Variants in GPR143 observed in about 807,000 individuals in gnomAD.
The protein encoded by GPR143 is G-protein coupled receptor 143.
A neutral mutation model predicts 27.6 loss-of-function variants in GPR143; 8 were observed. The observed-to-expected ratio is 0.29, with a 90% CI of 0.17 to 0.52. The LOEUF (loss-of-function observed/expected upper bound fraction) is 0.52, where lower values mean the gene tolerates loss of function less well. Among genes scored for constraint, GPR143 ranks in the 20% least tolerant of loss-of-function variants. The pLI, the probability that GPR143 is intolerant of heterozygous loss-of-function variation, is 0.96. For missense variants in GPR143, 303 were observed against 343.1 expected (o/e 0.88, Z 0.92); for synonymous variants, 156 against 153.2 (o/e 1.02, Z -0.13).
chrX:9,735,254 G>C (rs73484552), intron 8 of GPR143, among the ~76,000 whole-genome samples: 41 of 111,718 alleles, frequency 3.7e-4, no homozygotes, highest in African/African-American at 1.3e-3. Context: ...CTGGCCTTTC[G>C]CTGGCCACCG....
intron 8 of GPR143, 80 bp downstream of exon 8, chrX:9,739,405 G>A (rs944700994): frequency 4.3e-5 from 29 of 681,862 alleles, no homozygotes; most frequent in African/African-American, 4.1e-4. Flanking sequence ...GACAGCCCCC[G>A]GGACAAAGAA....
At chrX:9,764,534 A>G (rs2083518884) in intron 1 of GPR143, among the ~76,000 whole-genome samples, 1 of 107,760 alleles carries the variant, frequency 9.3e-6, no homozygotes. Context: ...ACACACACAC[A>G]CACACACACA....
intron 1 of GPR143, among the ~76,000 whole-genome samples, chrX:9,776,568 T>TTC (rs1325654645): frequency 9.5e-6 from 1 of 104,849 alleles, no homozygotes. Flanking sequence ...TTTTTTTTTT[T>TTC]GGTAGAGATG....
intron 3 of GPR143, among the ~76,000 whole-genome samples, chrX:9,755,144 A>G (rs949395523): frequency 1.8e-5 from 2 of 112,290 alleles, no homozygotes; most frequent in African/African-American, 6.5e-5. Flanking sequence ...CTGGCCAGGC[A>G]TGGTGGCTCA....
chrX:9,732,563 A>C (rs1185951756), intron 8 of GPR143, among the ~76,000 whole-genome samples: 7 of 111,664 alleles, frequency 6.3e-5, no homozygotes, highest in Non-Finnish European at 1.3e-4. Flanking sequence ...GATTTCTGAA[A>C]TAGAAAAATG....
chrX:9,727,416 C>T (rs1039800497), intron 8 of GPR143, among the ~76,000 whole-genome samples: 5 of 112,909 alleles, frequency 4.4e-5, no homozygotes, highest in Non-Finnish European at 9.4e-5. Flanking sequence ...GGGCATGGGA[C>T]AAGAACTTGA....
chrX:9,735,769 A>T (rs1431965697), intron 8 of GPR143, among the ~76,000 whole-genome samples: 1 of 111,807 alleles, frequency 8.9e-6, no homozygotes, highest in African/African-American at 3.3e-5. Context: ...GTGAAACCCG[A>T]AGCAGTAGGG....
At chrX:9,730,726 C>A (rs1411885824) in intron 8 of GPR143, among the ~76,000 whole-genome samples, 1 of 111,794 alleles carries the variant, frequency 8.9e-6, no homozygotes, top group Non-Finnish European at 1.9e-5. Context: ...GAAGAGAAGT[C>A]CAGGCTAACA....
At chrX:9,733,018 A>C (rs1362564823) in intron 8 of GPR143, among the ~76,000 whole-genome samples, 2 of 111,468 alleles carry the variant, frequency 1.8e-5, no homozygotes, top group African/African-American at 6.5e-5. Context: ...GAATTATGGG[A>C]GACTCAAGAT....
At position 9,743,706 on chromosome X, in the gene GPR143, T is replaced by C. The variant is rs373799630; in HGVS notation, c.659-33A>G. On this transcript the variant is annotated intron_variant, in intron 5 of 8. Coordinates refer to ENST00000467482, the MANE Select transcript of GPR143 (RefSeq NM_000273.3). ...GAACAGAAGGAACTATGTATGGTGTTCATTATTCATGTTTACGGAGTGACA... is the reference window on the plus strand; with the variant it reads ...GAACAGAAGGAACTATGTATGGTGTCCATTATTCATGTTTACGGAGTGACA... 5 of 827,931 alleles carry C rather than the reference T, an allele frequency of 6.0e-6. No individual in the cohort carries two copies. The African/African-American group carries it at 8.0e-5, about 13-fold the overall frequency. 68.2% of individuals were successfully genotyped at this position (827,931 alleles called of 1,213,427 possible).
chrX:9,734,196 G>A (rs2083368897), intron 8 of GPR143, among the ~76,000 whole-genome samples: 1 of 111,121 alleles, frequency 9.0e-6, no homozygotes, highest in Non-Finnish European at 1.9e-5. Context: ...ATGTTATTGT[G>A]AGAGAAATAG....
chrX:9,761,450 T>C (rs371140259), intron 1 of GPR143, among the ~76,000 whole-genome samples: 1 of 112,458 alleles, frequency 8.9e-6, no homozygotes, highest in Admixed American at 9.4e-5. Flanking sequence ...ACGCAAACCA[T>C]AGTTGGCCAC....
At chrX:9,736,460 T>C (rs1413315189) in intron 8 of GPR143, among the ~76,000 whole-genome samples, 2 of 111,265 alleles carry the variant, frequency 1.8e-5, no homozygotes, top group Admixed American at 1.9e-4. Context: ...CGCCACTTTA[T>C]ACTTTTTTTT....
intron 1 of GPR143, among the ~76,000 whole-genome samples, chrX:9,773,627 C>T (rs1441655393): frequency 9.0e-6 from 1 of 111,428 alleles, no homozygotes; most frequent in African/African-American, 3.3e-5. Context: ...AATCTCAGCA[C>T]TTTGGGAGGC....
intron 1 of GPR143, among the ~76,000 whole-genome samples, chrX:9,776,658 G>A (rs1170614049): frequency 9.4e-6 from 1 of 106,753 alleles, no homozygotes; most frequent in Non-Finnish European, 1.9e-5. Context: ...CAAAATGCTG[G>A]GATTACAGGT....
intron 2 of GPR143, 104 bp downstream of exon 2, chrX:9,760,613 G>A: frequency 1.9e-6 from 1 of 520,155 alleles, no homozygotes; most frequent in Non-Finnish European, 3.5e-6. Flanking sequence ...GGATGGGGCA[G>A]GACGTGAGAA....
chrX:9,766,303 C>G (rs1362059796), upstream of GPR143: 2 of 112,194 alleles, frequency 1.8e-5, no homozygotes, highest in East Asian at 5.6e-4. Context: ...TGTGACTGAT[C>G]CCTGTAACTG....
chrX:9,753,683 C>T (rs767045765), intron 3 of GPR143, among the ~76,000 whole-genome samples: 1 of 111,386 alleles, frequency 9.0e-6, no homozygotes, highest in South Asian at 3.8e-4. Flanking sequence ...AGCCCCCCAG[C>T]GAGAGAGGCC....
intron 8 of GPR143, among the ~76,000 whole-genome samples, chrX:9,733,359 A>C (rs1242498717): frequency 9.0e-6 from 1 of 110,826 alleles, no homozygotes; most frequent in Non-Finnish European, 1.9e-5. Context: ...GATTCCAGGT[A>C]TTATGGGAGA....
Sources: gnomAD v4.1 joint callset for allele counts (sites outside exome capture counted in the v4.1 genomes callset) on GRCh38, gnomAD v4.1.1 for gene constraint, MANE v1.5 for transcripts, NCBI Gene and HGNC (gene_info 2026-07-23, HGNC 2026-07-21) for gene names.